Variants in SLC45A1 observed in about 807,000 individuals in gnomAD.
SLC45A1 encodes proton-associated sugar transporter A.
A neutral mutation model predicts 57.6 loss-of-function variants in SLC45A1; 28 were observed. That is an observed-to-expected ratio of 0.49 (90% CI 0.36 to 0.67). The LOEUF (loss-of-function observed/expected upper bound fraction) is 0.67. Among genes scored for constraint, SLC45A1 ranks in the 30% least tolerant of loss-of-function variants. SLC45A1 has a pLI of 0.00. For missense variants in SLC45A1, 814 were observed against 1,041.5 expected (o/e 0.78, Z 3.01); for synonymous variants, 459 against 471.5 (o/e 0.97, Z 0.34).
Position 8,343,867 on chromosome 1 carries a change from G to T in SLC45A1, c.2101G>T (p.Ala701Ser). Residue 701 changes from alanine (A) to serine (S), a missense_variant, in exon 9 of 9, where the codon GCC (alanine) becomes TCC (serine). Transcript: ENST00000471889. This position sits in a 1 kb window ranked among gnomAD's most constrained non-coding sequence, Gnocchi z 7.7. The part of the protein sequence containing the change: ...VSLVLGPLTS[A>S]VGSANGVMYF... ...CCTGGTCCTGGGGCCCCTGACCTCG[G>T]CCGTGGGCAGTGCCAACGGGGTGAT... 1 of 1,614,148 alleles carries T rather than the reference G, an allele frequency of 6.2e-7. No individual in the cohort carries two copies.
chr1:8,337,140 C>T (rs1028594451), intron 6 of SLC45A1, among the ~76,000 whole-genome samples: 1 of 152,222 alleles, frequency 6.6e-6, no homozygotes, highest in African/African-American at 2.4e-5. Context: ...GGGGAGGACT[C>T]ACAATCATGG....
chr1:8,324,504 T>TGGCCCCCCCCCCCC lies in SLC45A1; in HGVS notation c.175_176insGGCCCCCCCCCCCC (p.Ser59TrpfsTer55). ...CAAGAGGAGGAAGTGCATTCGTCCC[T>TGGCCCCCCCCCCCC]CCCCACCCCCGCCCCCCAACACCCC... On this transcript the variant is annotated frameshift_variant, in exon 2 of 9. Coordinates refer to ENST00000471889, the MANE Select transcript of SLC45A1 (RefSeq NM_001080397.3). LOFTEE classifies it high-confidence loss of function. 2 of 1,528,654 alleles carry TGGCCCCCCCCCCCC rather than the reference T, an allele frequency of 1.3e-6. No homozygotes were observed. The highest frequency in any genetic ancestry group is 1.8e-6 in the Non-Finnish European group (2 of 1,108,732). The allele number at this position is 1,528,654 out of a possible 1,614,324, so 94.7% of individuals were successfully genotyped here.
rs1196911836 is a variant in SLC45A1, at chr1:8,326,435, TTGTA to T, written c.715+397_715+400del. On this transcript the variant is annotated intron_variant, in intron 4 of 8. Coordinates refer to ENST00000471889, the MANE Select transcript of SLC45A1 (RefSeq NM_001080397.3). The surrounding 1 kb of genome is among the most constrained non-coding windows in gnomAD (Gnocchi z 5.5). The stretch of plus-strand genomic sequence containing the variant: ...ATCAACGGATCAACACATAACCTTG[TTGTA>T]TGTGTTTCTGTTTAAAACCCCTTAT... Among the ~76,000 whole-genome samples, 1 of 152,218 alleles carries T rather than the reference TTGTA, an allele frequency of 6.6e-6. No individual in the cohort carries two copies. The highest frequency in any genetic ancestry group is 1.5e-5 in the Non-Finnish European group (1 of 68,044).
chr1:8,321,929 G>T, intron 1 of SLC45A1, among the ~76,000 whole-genome samples: 1 of 149,324 alleles, frequency 6.7e-6, no homozygotes, highest in African/African-American at 2.5e-5. Flanking sequence ...ATGGGTGGGT[G>T]GGTGGATGGA....
chr1:8,319,342 G>A (rs1009382675), intron 1 of SLC45A1, among the ~76,000 whole-genome samples: 1 of 152,208 alleles, frequency 6.6e-6, no homozygotes. Flanking sequence ...CCCGTGGGGG[G>A]AGCTCATTTT....
Position 8,326,129 on chromosome 1 carries a change from A to C in SLC45A1, c.715+87A>C, listed in dbSNP as rs1337057470. On this transcript the variant is annotated intron_variant, in intron 4 of 8. Transcript: ENST00000471889. This position sits in a 1 kb window ranked among gnomAD's most constrained non-coding sequence, Gnocchi z 5.5. ...TTTCGAGGCCCTTCCTCACTCCCTG[A>C]TTTAACAAAGAAGCTGGGAGAATTC... is the stretch of plus-strand genomic sequence containing the variant. 5.0e-6 allele frequency: 5 copies of C among 999,790 alleles called. No individual in the cohort carries two copies. In the East Asian group the frequency reaches 1.3e-4, roughly 25 times the overall value. The allele number at this position is 999,790 out of a possible 1,614,324, so 61.9% of individuals were successfully genotyped here.
intron 5 of SLC45A1, among the ~76,000 whole-genome samples, chr1:8,331,575 A>C (rs1422884799): frequency 6.6e-6 from 1 of 152,180 alleles, no homozygotes; most frequent in Non-Finnish European, 1.5e-5. Flanking sequence ...CAGGAGGGTG[A>C]AGCTGTAGTG....
In SLC45A1 at chr1:8,325,332, T is replaced by C. The variant is rs773869734; in HGVS notation, c.432T>C (p.Ser144=). ...TGCAGCCTCTGTTGGGTGCTTGGAG[T>C]GACCGGTGTACCTCAAGGTTTGGAA... ...FLLQPLLGAW[S]DRCTSRFGRR... is the part of the protein sequence containing the mutation. Residue 144 remains serine (S), a synonymous_variant, in exon 3 of 9, where the codon AGT becomes AGC. Coordinates refer to ENST00000471889, the MANE Select transcript of SLC45A1 (RefSeq NM_001080397.3). The surrounding 1 kb of genome is among the most constrained non-coding windows in gnomAD (Gnocchi z 6.3). The C allele has an allele frequency of 3.1e-6, 5 of 1,613,746 alleles. No individual in the cohort carries two copies. The highest frequency in any genetic ancestry group is 4.2e-6 in the Non-Finnish European group (5 of 1,179,852).
Position 8,330,857 on chromosome 1 carries a change from A to G in SLC45A1, c.1364A>G (p.Gln455Arg). The G allele has an allele frequency of 6.2e-7, 1 of 1,612,010 alleles. No homozygotes were observed. Among genetic ancestry groups the G allele is most frequent in the Non-Finnish European group, 8.5e-7 (1 of 1,178,898 alleles). The change falls in exon 5 of 9, where the codon CAG (glutamine) becomes CGG (arginine). Residue 455 changes from glutamine to arginine, a missense_variant. Physicochemically the swap from Gln to Arg is conservative, Grantham distance 43 (BLOSUM62 1). Transcript: ENST00000471889. The surrounding 1 kb of genome is among the most constrained non-coding windows in gnomAD (Gnocchi z 8.4). ...TCATCAGGGATTCTGAAGAGACCTC[A>G]GACCTTGGCCATCCCGGACGCAGCC... ...PRSSGILKRP[Q>R]TLAIPDAAGG...
intron 8 of SLC45A1, among the ~76,000 whole-genome samples, chr1:8,341,199 CAAA>C (rs60069512): frequency 1.6e-5 from 1 of 64,290 alleles, no homozygotes; most frequent in African/African-American, 5.3e-5. Context: ...GACTCCGTTT[CAAA>C]AAAAAAAAAA....
Position 8,335,491 on chromosome 1 carries a change from A to G in SLC45A1, c.1498A>G (p.Ser500Gly), listed in dbSNP as rs769545722. Reference sequence around the variant, plus strand: ...GTATGAGAGCGAGCTGACGGGCTCCAGCGAGCGCGCGGAGCAGCCTCTGTC... The same window carrying G: ...GTATGAGAGCGAGCTGACGGGCTCCGGCGAGCGCGCGGAGCAGCCTCTGTC... ...VKYESELTGS[S>G]ERAEQPLSVG... Residue 500 changes from serine to glycine, a missense_variant, in exon 6 of 9, where the codon AGC becomes GGC. By Grantham distance (56) the Ser-to-Gly change is moderately conservative. Coordinates refer to ENST00000471889, the MANE Select transcript of SLC45A1 (RefSeq NM_001080397.3). The surrounding 1 kb of genome is among the most constrained non-coding windows in gnomAD (Gnocchi z 4.1). 2 of 1,602,294 alleles carry G rather than the reference A, an allele frequency of 1.2e-6. No homozygotes were observed. The highest frequency in any genetic ancestry group is 1.7e-6 in the Non-Finnish European group (2 of 1,179,576).
chr1:8,325,006 T>TC lies in SLC45A1; in HGVS notation c.397+280_397+281insC, dbSNP rs1640153419. Among the ~76,000 whole-genome samples, 2 of 152,222 alleles carry TC rather than the reference T, an allele frequency of 1.3e-5. 1 individual carries two copies. The highest frequency in any genetic ancestry group is 6.8e-3 in the Middle Eastern group (2 of 294). On this transcript the variant is annotated intron_variant, in intron 2 of 8. Transcript: ENST00000471889. The surrounding 1 kb of genome is among the most constrained non-coding windows in gnomAD (Gnocchi z 6.3). ...GGAGGGTCCAACTCATAACGCTTGG[T>TC]GTCATGTGAGCCTGGAAGGTCCTGA...
intron 7 of SLC45A1, 129 bp from the exon 8 acceptor site, chr1:8,339,364 G>A: frequency 1.2e-6 from 1 of 828,862 alleles, no homozygotes; most frequent in Non-Finnish European, 1.9e-6. Context: ...TCTGGTCTGG[G>A]GCAAGTGACC....
In SLC45A1 at chr1:8,325,891, C is replaced by G. The variant is rs1244514611; in HGVS notation, c.564C>G (p.Asn188Lys). 6.2e-7 allele frequency: 1 copy of G among 1,614,078 alleles called. No individual in the cohort carries two copies. Among genetic ancestry groups the G allele is most frequent in the Admixed American group, 1.7e-5 (1 of 60,026 alleles). ...IGIALADVTGNHKWGLLLTVC... is the reference protein window; with the variant it reads ...IGIALADVTGKHKWGLLLTVC... ...TCGCCCTGGCTGACGTGACCGGGAACCACAAGTGGGGCCTGCTGCTGACCG... is the reference window on the plus strand; with the variant it reads ...TCGCCCTGGCTGACGTGACCGGGAAGCACAAGTGGGGCCTGCTGCTGACCG... Residue 188 changes from asparagine to lysine, a missense_variant, in exon 4 of 9, where the codon AAC becomes AAG. By Grantham distance (94) the Asn-to-Lys change is moderately conservative (BLOSUM62 0). Transcript: ENST00000471889. The surrounding 1 kb of genome is among the most constrained non-coding windows in gnomAD (Gnocchi z 6.3).
At chr1:8,338,228 G>C (rs76419978) in intron 7 of SLC45A1, among the ~76,000 whole-genome samples, 2,625 of 152,316 alleles carry the variant, frequency 0.017, 38 homozygotes, top group Non-Finnish European at 0.028. Flanking sequence ...ACGGGTGCTT[G>C]TCAGGACCTG....
At position 8,325,462 on chromosome 1, in the gene SLC45A1, AT is replaced by A; in HGVS notation, c.490+76del. 8.8e-7 allele frequency: 1 copy of A among 1,137,022 alleles called. No individual in the cohort carries two copies. Among genetic ancestry groups the A allele is most frequent in the Non-Finnish European group, 1.3e-6 (1 of 771,546 alleles). The allele number at this position is 1,137,022 out of a possible 1,614,324, so 70.4% of individuals were successfully genotyped here. A position where few individuals can be genotyped will look rare whatever the true frequency, so the allele number is the denominator to read the frequency against. On this transcript the variant is annotated intron_variant, in intron 3 of 8. Transcript: ENST00000471889. The surrounding 1 kb of genome is among the most constrained non-coding windows in gnomAD (Gnocchi z 6.3). ...GCCCCAACTGCTTCCTTTTAGGAAA[AT>A]TTTAAAAAATGTTGACCAAAGCAGT...
At chr1:8,340,102 T>C (rs1191445102) in intron 8 of SLC45A1, among the ~76,000 whole-genome samples, 1 of 152,080 alleles carries the variant, frequency 6.6e-6, no homozygotes, top group Non-Finnish European at 1.5e-5. Flanking sequence ...GTTAATGCAG[T>C]ATTTTTAAAA....
rs762006947 is a variant in SLC45A1, at chr1:8,335,497, C to T, written c.1504C>T (p.Arg502Cys). ...YESELTGSSERAEQPLSVGRL... is the reference protein window; with the variant it reads ...YESELTGSSECAEQPLSVGRL... ...GAGCGAGCTGACGGGCTCCAGCGAG[C>T]GCGCGGAGCAGCCTCTGTCCGTGGG... is the stretch of plus-strand genomic sequence containing the variant. Residue 502 changes from arginine (R) to cysteine (C), a missense_variant, in exon 6 of 9, where the codon CGC becomes TGC. Coordinates refer to ENST00000471889, the MANE Select transcript of SLC45A1 (RefSeq NM_001080397.3). The surrounding 1 kb of genome is among the most constrained non-coding windows in gnomAD (Gnocchi z 4.1). 45 of 1,602,744 alleles carry T rather than the reference C, an allele frequency of 2.8e-5. No homozygotes were observed. The highest frequency in any genetic ancestry group is 3.4e-5 in the Non-Finnish European group (40 of 1,179,588).
chr1:8,329,316 G>A (rs1329077602), intron 4 of SLC45A1, among the ~76,000 whole-genome samples: 1 of 152,206 alleles, frequency 6.6e-6, no homozygotes, highest in Non-Finnish European at 1.5e-5. Context: ...ACCAGCAGCG[G>A]TAAACCGAGA....
Sources: gnomAD v4.1 joint callset for allele counts (sites outside exome capture counted in the v4.1 genomes callset) on GRCh38, gnomAD v4.1.1 for gene constraint, Gnocchi (gnomAD v3.1) non-coding constraint, MANE v1.5 for transcripts, NCBI Gene and HGNC (gene_info 2026-07-23, HGNC 2026-07-21) for gene names.